EVL: variants seen among roughly 807,000 people sequenced by gnomAD.
EVL encodes the protein Enah/Vasp-like.
EVL carries 21 observed loss-of-function variants against 59.6 expected under a neutral mutation model. The ratio of observed to expected loss-of-function variants is 0.35; its 90% confidence interval spans 0.25 to 0.51. The LOEUF (loss-of-function observed/expected upper bound fraction) is 0.51, where lower values mean the gene tolerates loss of function less well. EVL is among the 20% of genes least tolerant of loss of function. The pLI is 0.97. For missense variants in EVL, 462 were observed against 546.6 expected (o/e 0.85, Z 1.54); for synonymous variants, 198 against 203.5 (o/e 0.97, Z 0.23).
intron 1 of EVL, among the ~76,000 whole-genome samples, chr14:100,081,655 G>A (rs886633925): frequency 5.3e-5 from 8 of 152,236 alleles, no homozygotes; most frequent in Admixed American, 5.2e-4. Context: ...TGATACCCCA[G>A]GTATGCTTCA....
upstream of EVL, among the ~76,000 whole-genome samples, chr14:100,065,116 C>T (rs1190954): frequency 0.63 from 94,926 of 151,112 alleles, 32,544 homozygotes; most frequent in Non-Finnish European, 0.76. Context: ...GACTATAGAG[C>T]TAGTTAGTGG....
chr14:100,116,414 T>C (rs979235755), intron 3 of EVL, among the ~76,000 whole-genome samples: 20 of 152,162 alleles, frequency 1.3e-4, no homozygotes, highest in Non-Finnish European at 2.5e-4. Flanking sequence ...GGTTCTATCT[T>C]TTCAGGAGCC....
Position 99,972,012 on chromosome 14 carries a change from G to GCC in EVL, c.-41_-40insCC, listed in dbSNP as rs2060736619. ...CCCCGCCGCCGCCGCCGCCGCCGCC[G>GCC]GGTCGCCCCTGGCCCGGCGCGCCCG... On this transcript the variant is annotated 5_prime_UTR_variant, in exon 1 of 14. Transcript: ENST00000402714. This position sits in a 1 kb window ranked among gnomAD's most constrained non-coding sequence, Gnocchi z 4.4. 2.8e-5 allele frequency: 5 copies of GCC among 180,140 alleles called. No homozygotes were observed. The highest frequency in any genetic ancestry group is 6.4e-5 in the Admixed American group (1 of 15,636). The allele number at this position is 180,140 out of a possible 1,614,324, so 11.2% of individuals were successfully genotyped here.
chr14:100,080,011 G>T (rs997669614), intron 1 of EVL, among the ~76,000 whole-genome samples: 3 of 151,256 alleles, frequency 2.0e-5, no homozygotes, highest in African/African-American at 7.3e-5. Context: ...GTCCTGGAAG[G>T]TCTATGATTA....
chr14:100,000,177 C>G (rs1379521499), intron 1 of EVL, among the ~76,000 whole-genome samples: 1 of 152,110 alleles, frequency 6.6e-6, no homozygotes, highest in Non-Finnish European at 1.5e-5. Flanking sequence ...CAACGTGTGC[C>G]CAAGGTGGTC....
chr14:100,132,042 G>A (rs950744506), intron 7 of EVL, among the ~76,000 whole-genome samples: 1 of 152,036 alleles, frequency 6.6e-6, no homozygotes, highest in African/African-American at 2.4e-5. Flanking sequence ...GCGTATCTCT[G>A]GGAAACACTG....
chr14:100,050,356 TATTTA>T (rs764121930), intron 1 of EVL, among the ~76,000 whole-genome samples: 32 of 61,204 alleles, frequency 5.2e-4, no homozygotes, highest in Admixed American at 1.3e-3. Context: ...TTTATTTATT[TATTTA>T]TTTTTTTTTA....
At chr14:100,045,904 C>T (rs1431067911) in intron 1 of EVL, among the ~76,000 whole-genome samples, 1 of 152,156 alleles carries the variant, frequency 6.6e-6, no homozygotes, top group Non-Finnish European at 1.5e-5. Flanking sequence ...ACTTTTTCCT[C>T]CAGCCGTGTC....
intron 1 of EVL, among the ~76,000 whole-genome samples, chr14:100,008,866 G>A (rs2060999547): frequency 6.6e-6 from 1 of 152,194 alleles, no homozygotes; most frequent in African/African-American, 2.4e-5. Flanking sequence ...AGACTCATGA[G>A]ATGAAATGCA....
intron 1 of EVL, among the ~76,000 whole-genome samples, chr14:100,050,583 C>G (rs1303982635): frequency 2.6e-5 from 4 of 151,950 alleles, no homozygotes; most frequent in African/African-American, 9.6e-5. Context: ...GTGATCCACC[C>G]GCCTCAGCCT....
chr14:99,978,113 A>T (rs1342291723), intron 1 of EVL: 1 of 148,566 alleles, frequency 6.7e-6, no homozygotes, highest in Non-Finnish European at 1.5e-5. Flanking sequence ...AAAAAAAAAA[A>T]GTCAGCAGGG....
At chr14:100,096,661 G>A (rs1259798683) in intron 2 of EVL, among the ~76,000 whole-genome samples, 1 of 152,190 alleles carries the variant, frequency 6.6e-6, no homozygotes, top group African/African-American at 2.4e-5. Flanking sequence ...TTCCTCCAGG[G>A]CACGACTTAG....
chr14:100,035,154 C>T (rs943040905), intron 1 of EVL, among the ~76,000 whole-genome samples: 1 of 152,056 alleles, frequency 6.6e-6, no homozygotes, highest in Non-Finnish European at 1.5e-5. Flanking sequence ...TGTGTTTTTG[C>T]TGGTTTTTGT....
chr14:99,982,449 A>G (rs1170542996), intron 1 of EVL, among the ~76,000 whole-genome samples: 1 of 152,236 alleles, frequency 6.6e-6, no homozygotes, highest in Non-Finnish European at 1.5e-5. Context: ...ATTTTAAAGA[A>G]GAAGAAGATA....
chr14:100,043,787 A>AT (rs1319798359), intron 1 of EVL, among the ~76,000 whole-genome samples: 1 of 151,158 alleles, frequency 6.6e-6, no homozygotes, highest in Admixed American at 6.6e-5. Context: ...TAATTTTTAA[A>AT]TTTTTTTGTA....
intron 1 of EVL, among the ~76,000 whole-genome samples, chr14:100,016,362 C>G (rs1437861734): frequency 6.6e-6 from 1 of 152,128 alleles, no homozygotes; most frequent in African/African-American, 2.4e-5. Flanking sequence ...AACCCCGTCT[C>G]TACTAAAAAT....
intron 11 of EVL, chr14:100,140,095 A>G (rs899219064): frequency 6.6e-6 from 1 of 151,946 alleles, no homozygotes; most frequent in Non-Finnish European, 1.5e-5. Context: ...CTCTACAAAA[A>G]GTTAAAAAAG....
rs1299005217 is a variant in EVL, at chr14:100,127,676, T to A, written c.488-843T>A. On this transcript the variant is annotated intron_variant, in intron 5 of 13. Transcript: ENST00000392920. This position sits in a 1 kb window ranked among gnomAD's most constrained non-coding sequence, Gnocchi z 4.2. ...CACTTGCCTCCCCCCTTCACCTAAC[T>A]GAACCCCTGCTCTCCGGTCGTGTCC... 6.6e-6 allele frequency among the ~76,000 whole-genome samples: 1 copy of A among 152,136 alleles called. No homozygotes were observed. Among genetic ancestry groups the A allele is most frequent in the Non-Finnish European group, 1.5e-5 (1 of 68,026 alleles).
At chr14:100,038,329 T>A (rs1268200240) in intron 1 of EVL, among the ~76,000 whole-genome samples, 1 of 152,246 alleles carries the variant, frequency 6.6e-6, no homozygotes, top group Non-Finnish European at 1.5e-5. Context: ...ACTGATCTTA[T>A]CATGCTCTTG....
Sources: allele counts gnomAD v4.1 joint callset (sites outside exome capture counted in the v4.1 genomes callset), GRCh38; gene constraint gnomAD v4.1.1; non-coding constraint Gnocchi (gnomAD v3.1); transcripts MANE v1.5; gene names NCBI Gene and HGNC (gene_info 2026-07-23, HGNC 2026-07-21).